ACSM3: variants seen among roughly 807,000 people sequenced by gnomAD.
The protein encoded by ACSM3 is acyl-CoA synthetase medium chain family member 3.
ACSM3 carries 61 observed loss-of-function variants against 74.1 expected under a neutral mutation model. The observed-to-expected ratio is 0.82, with a 90% CI of 0.67 to 1.02. The LOEUF (loss-of-function observed/expected upper bound fraction) is 1.02. Ranked by LOEUF, ACSM3 falls within the 50% of genes least tolerant of loss-of-function variation. The pLI is 0.00. For missense variants in ACSM3, 660 were observed against 697.0 expected, an observed-to-expected ratio of 0.95 and a Z score of 0.60; for synonymous variants, 213 against 241.5, an observed-to-expected ratio of 0.88 and a Z score of 1.09.
intron 1 of ACSM3, among the ~76,000 whole-genome samples, chr16:20,687,875 G>A (rs1452434938): frequency 6.6e-5 from 10 of 152,156 alleles, no homozygotes; most frequent in Non-Finnish European, 1.5e-4. Context: ...CTTGAGGTCA[G>A]GAGTTTGAGA....
chr16:20,763,488 T>C (rs2080093992), upstream of ACSM3, among the ~76,000 whole-genome samples: 1 of 152,054 alleles, frequency 6.6e-6, no homozygotes, highest in South Asian at 2.1e-4. Flanking sequence ...GGAAGGAGAA[T>C]GGGCTGTGGA....
rs996434994 is a variant in ACSM3, at chr16:20,711,600, G to A, written c.-190+36778G>A. The stretch of plus-strand genomic sequence containing the variant: ...TCCCAGTAGTGGAGTCCATTGCACT[G>A]GAGTGTCCTGACTTTAAGACCAAAC... On this transcript the variant is annotated intron_variant, in intron 1 of 3. Transcript: ENST00000561584. 16 of 1,238,866 alleles carry A rather than the reference G, an allele frequency of 1.3e-5. No homozygotes were observed. The East Asian group carries it at 3.4e-4, about 26-fold the overall frequency. The allele number at this position is 1,238,866 out of a possible 1,614,324, so 76.7% of individuals were successfully genotyped here.
chr16:20,693,560 A>G (rs1388299025), intron 1 of ACSM3, among the ~76,000 whole-genome samples: 1 of 152,238 alleles, frequency 6.6e-6, no homozygotes, highest in Non-Finnish European at 1.5e-5. Context: ...GGCTGACAAC[A>G]GACCCATATA....
intron 3 of ACSM3, among the ~76,000 whole-genome samples, chr16:20,756,984 A>G (rs985839160): frequency 1.2e-3 from 176 of 151,910 alleles, no homozygotes; most frequent in African/African-American, 4.1e-3. Context: ...GTTCTGTTCC[A>G]TTGATCTATA....
chr16:20,723,607 T>C (rs2079793957), intron 1 of ACSM3, among the ~76,000 whole-genome samples: 1 of 152,180 alleles, frequency 6.6e-6, no homozygotes, highest in Non-Finnish European at 1.5e-5. Context: ...CTCATTGTGG[T>C]TTTGATTTGC....
chr16:20,761,574 T>G (rs1294159080), upstream of ACSM3, among the ~76,000 whole-genome samples: 1 of 152,128 alleles, frequency 6.6e-6, no homozygotes, highest in Non-Finnish European at 1.5e-5. Flanking sequence ...GAAGTGTTAT[T>G]GTTAGAGTAG....
At chr16:20,748,657 C>T (rs1404256403) in intron 1 of ACSM3, among the ~76,000 whole-genome samples, 1 of 152,172 alleles carries the variant, frequency 6.6e-6, no homozygotes, top group Non-Finnish European at 1.5e-5. Context: ...GGTTGAGACT[C>T]AGGCTTTTTG....
chr16:20,725,267 T>C (rs370589878), intron 1 of ACSM3: 1 of 168,672 alleles, frequency 5.9e-6, no homozygotes. Context: ...GATGGGCACA[T>C]GTTAATGGAA....
chr16:20,698,504 T>C (rs1263580314), intron 1 of ACSM3, among the ~76,000 whole-genome samples: 3 of 152,076 alleles, frequency 2.0e-5, no homozygotes, highest in African/African-American at 4.8e-5. Context: ...CTCACCTCCC[T>C]TAATTGGTTT....
intron 13 of ACSM3, 160 bp downstream of exon 13, chr16:20,796,649 A>G (rs2080729685): frequency 6.7e-7 from 1 of 1,485,842 alleles, no homozygotes; most frequent in Non-Finnish European, 8.9e-7. Flanking sequence ...TGAGATTAAA[A>G]TGAAACCCTG....
chr16:20,717,991 A>T (rs1160396557), intron 1 of ACSM3, among the ~76,000 whole-genome samples: 1 of 145,914 alleles, frequency 6.9e-6, no homozygotes, highest in African/African-American at 2.5e-5. Context: ...GAAGAAGAAG[A>T]AGAAGAAGAA....
chr16:20,694,000 T>C (rs1299555290), intron 1 of ACSM3, among the ~76,000 whole-genome samples: 1 of 152,274 alleles, frequency 6.6e-6, no homozygotes, highest in Non-Finnish European at 1.5e-5. Flanking sequence ...TACTTTATGT[T>C]CTTAGCTCCC....
intron 1 of ACSM3, chr16:20,676,047 T>G (rs2020256942): frequency 6.6e-6 from 1 of 152,220 alleles, no homozygotes; most frequent in Non-Finnish European, 1.5e-5. Context: ...CCTCCCTACA[T>G]TCCAATCTAC....
chr16:20,771,150 C>T (rs2152456111), intron 2 of ACSM3, among the ~76,000 whole-genome samples: 1 of 152,302 alleles, frequency 6.6e-6, no homozygotes, highest in Non-Finnish European at 1.5e-5. Flanking sequence ...CAACCTCCGC[C>T]TCATGAGTTC....
intron 1 of ACSM3, among the ~76,000 whole-genome samples, chr16:20,702,513 G>A (rs1456599733): frequency 6.6e-6 from 1 of 152,166 alleles, no homozygotes; most frequent in African/African-American, 2.4e-5. Flanking sequence ...TCTGACTGAC[G>A]TGAGATGGTA....
intron 4 of ACSM3, among the ~76,000 whole-genome samples, chr16:20,778,409 T>C (rs1463112667): frequency 1.3e-5 from 2 of 152,198 alleles, no homozygotes; most frequent in Non-Finnish European, 1.5e-5. Flanking sequence ...ATTCCTAATA[T>C]TGAGTTCTTG....
intron 1 of ACSM3, chr16:20,741,794 T>C: frequency 1.3e-6 from 2 of 1,547,010 alleles, no homozygotes; most frequent in Non-Finnish European, 1.7e-6. Flanking sequence ...GTTGGCGTCC[T>C]CGTCTATCGC....
At chr16:20,741,912 G>T in intron 1 of ACSM3, 1 of 1,534,450 alleles carries the variant, frequency 6.5e-7, no homozygotes, top group Non-Finnish European at 8.7e-7. Context: ...ATCGTGAAAG[G>T]GGTGGAGTGA....
intron 1 of ACSM3, among the ~76,000 whole-genome samples, chr16:20,687,100 T>C (rs1045322736): frequency 5.3e-5 from 8 of 151,782 alleles, no homozygotes; most frequent in African/African-American, 1.9e-4. Context: ...GGAGTGAAAC[T>C]TGTTTACAAT....
Sources: gnomAD v4.1 joint callset for allele counts (sites outside exome capture counted in the v4.1 genomes callset) on GRCh38, gnomAD v4.1.1 for gene constraint, MANE v1.5 for transcripts, NCBI Gene and HGNC (gene_info 2026-07-23, HGNC 2026-07-21) for gene names.